ARL13B: variants seen among roughly 807,000 people sequenced by gnomAD.
ARL13B encodes the protein ARF like GTPase 13B, also known as ADP-ribosylation factor-like protein 13B.
Under a neutral mutation model 56.1 loss-of-function variants are expected in ARL13B, and 36 were observed. The observed-to-expected ratio is 0.64, with a 90% CI of 0.49 to 0.85. ARL13B has a LOEUF of 0.85. ARL13B is among the 40% of genes least tolerant of loss of function. The probability of loss-of-function intolerance (pLI) is 0.00; values close to 1 mark genes in which losing one functional copy is unlikely to be tolerated. For missense variants in ARL13B, 519 were observed against 507.1 expected (o/e 1.02, Z -0.23); for synonymous variants, 178 against 171.1 (o/e 1.04, Z -0.32).
chr3:94,021,454 C>G (rs1441605870), intron 3 of ARL13B, among the ~76,000 whole-genome samples: 1 of 152,042 alleles, frequency 6.6e-6, no homozygotes, highest in South Asian at 2.1e-4. Flanking sequence ...CTCAGCCTCC[C>G]AAAGTGCTGG....
intron 7 of ARL13B, among the ~76,000 whole-genome samples, chr3:94,046,235 C>T (rs190642519): frequency 6.6e-6 from 1 of 151,816 alleles, no homozygotes; most frequent in East Asian, 1.9e-4. Context: ...AAACATTATC[C>T]CCAAAAGTTT....
chr3:93,985,829 C>T (rs1429698220), intron 1 of ARL13B, among the ~76,000 whole-genome samples: 1 of 152,138 alleles, frequency 6.6e-6, no homozygotes, highest in Non-Finnish European at 1.5e-5. Context: ...TACAACCTAT[C>T]AAAGCTTTAC....
intron 1 of ARL13B, among the ~76,000 whole-genome samples, chr3:93,987,541 G>A (rs1369200798): frequency 6.6e-6 from 1 of 151,986 alleles, no homozygotes; most frequent in African/African-American, 2.4e-5. Context: ...AATTATTTCA[G>A]TTTTTTCTTT....
chr3:94,053,438 A>G lies in ARL13B; in HGVS notation c.*175A>G, dbSNP rs1288906822. 8.4e-6 allele frequency: 6 copies of G among 717,850 alleles called. No homozygotes were observed. The highest frequency in any genetic ancestry group is 2.7e-5 in the East Asian group (1 of 36,432). The allele number at this position is 717,850 out of a possible 1,614,324, so 44.5% of individuals were successfully genotyped here. On this transcript the variant is annotated 3_prime_UTR_variant, in exon 10 of 10. Transcript: ENST00000394222. The stretch of plus-strand genomic sequence containing the variant: ...TGATAATTACTTATTTGTGTTTTTC[A>G]TGGTTAAAAAAATAAAAGAAGCACA...
intron 6 of ARL13B, 138 bp downstream of exon 6, chr3:94,040,126 T>C (rs2076837784): frequency 1.3e-6 from 1 of 747,508 alleles, no homozygotes; most frequent in African/African-American, 1.8e-5. Context: ...AAATTAAACA[T>C]GAGAGACTGA....
Position 94,054,310 on chromosome 3 carries a change from G to GC in ARL13B, c.*1050dup, listed in dbSNP as rs1157926286. ...TAAAGTAATGAGAATAAAAATGTTG[G>GC]CCCAAAATTACTTTTATAAATAAAT... On this transcript the variant is annotated 3_prime_UTR_variant, in exon 10 of 10. Transcript: ENST00000394222. 1.2e-5 allele frequency: 5 copies of GC among 434,528 alleles called. No individual in the cohort carries two copies. Among genetic ancestry groups the GC allele is most frequent in the South Asian group, 5.1e-5 (3 of 58,340 alleles). The allele number at this position is 434,528 out of a possible 1,614,324, so 26.9% of individuals were successfully genotyped here.
chr3:94,014,778 T>C, intron 3 of ARL13B: 1 of 1,613,830 alleles, frequency 6.2e-7, no homozygotes, highest in Non-Finnish European at 8.5e-7. Context: ...GTAAAATAAA[T>C]GTCTTGCACT....
intron 4 of ARL13B, among the ~76,000 whole-genome samples, chr3:94,036,073 T>TA (rs1447754363): frequency 1.3e-5 from 2 of 152,018 alleles, no homozygotes; most frequent in Non-Finnish European, 2.9e-5. Context: ...ACACTGCCTC[T>TA]AAAAAACAAA....
chr3:94,003,589 T>C, intron 2 of ARL13B, 70 bp from the exon 3 acceptor site: 1 of 1,555,018 alleles, frequency 6.4e-7, no homozygotes. Flanking sequence ...GTGCTAAAAT[T>C]TTAGTTGAAA....
chr3:94,026,286 C>G (rs189820748), intron 3 of ARL13B, among the ~76,000 whole-genome samples: 112 of 152,244 alleles, frequency 7.4e-4, no homozygotes, highest in Non-Finnish European at 1.3e-3. Context: ...TAAAATTTGT[C>G]TTTTTTAAAC....
chr3:94,043,519 A>G, intron 7 of ARL13B, among the ~76,000 whole-genome samples: 1 of 121,210 alleles, frequency 8.3e-6, no homozygotes, highest in Non-Finnish European at 1.7e-5. Context: ...ATAGCTCTCA[A>G]GAATCCTTGG....
intron 3 of ARL13B, among the ~76,000 whole-genome samples, chr3:94,004,830 T>C (rs2076107054): frequency 6.6e-6 from 1 of 152,132 alleles, no homozygotes; most frequent in Non-Finnish European, 1.5e-5. Flanking sequence ...AGTTATTTGA[T>C]TTGTATAAGC....
In ARL13B at chr3:94,015,217, G is replaced by T. The variant is rs941844684; in HGVS notation, c.380+11309G>T. The T allele has an allele frequency of 1.3e-6, 2 of 1,596,122 alleles. No homozygotes were observed. The highest frequency in any genetic ancestry group is 1.7e-6 in the Non-Finnish European group (2 of 1,175,134). ...TGTAGTTGATACATGACTGTCTCTAGAGAGTTCAATTTCCTTTGTTCTCTG... is the reference window on the plus strand; with the variant it reads ...TGTAGTTGATACATGACTGTCTCTATAGAGTTCAATTTCCTTTGTTCTCTG... On this transcript the variant is annotated intron_variant, in intron 3 of 9. Coordinates refer to ENST00000394222, the MANE Select transcript of ARL13B (RefSeq NM_001174150.2).
At chr3:94,043,293 T>G (rs2076896632) in intron 7 of ARL13B, 53 bp downstream of exon 7, 1 of 1,424,816 alleles carries the variant, frequency 7.0e-7, no homozygotes, top group East Asian at 2.5e-5. Flanking sequence ...TAAATAAAAC[T>G]TATACTTCAT....
chr3:94,008,788 A>G (rs2107458806), intron 3 of ARL13B, among the ~76,000 whole-genome samples: 1 of 152,236 alleles, frequency 6.6e-6, no homozygotes, highest in South Asian at 2.1e-4. Context: ...TTTTAGGGTA[A>G]CAATTCTATT....
chr3:94,025,273 T>A (rs2076531882), intron 3 of ARL13B, among the ~76,000 whole-genome samples: 1 of 152,196 alleles, frequency 6.6e-6, no homozygotes, highest in South Asian at 2.1e-4. Context: ...ATCCTTTTTT[T>A]AATATCTGTA....
chr3:93,986,909 G>T (rs1710495432), intron 1 of ARL13B, among the ~76,000 whole-genome samples: 1 of 152,098 alleles, frequency 6.6e-6, no homozygotes, highest in Non-Finnish European at 1.5e-5. Context: ...GGCAGAGGTT[G>T]CAGTGAGTGG....
chr3:94,015,827 A>T (rs2076322435), intron 3 of ARL13B, among the ~76,000 whole-genome samples: 1 of 152,290 alleles, frequency 6.6e-6, no homozygotes, highest in Middle Eastern at 3.4e-3. Context: ...GAAGCCTCTG[A>T]ATTAACGTAT....
At chr3:94,053,000 G>T (rs567115162) in intron 9 of ARL13B, among the ~76,000 whole-genome samples, 187 bp from the exon 10 acceptor site, 25 of 152,264 alleles carry the variant, frequency 1.6e-4, no homozygotes, top group Non-Finnish European at 3.4e-4. Flanking sequence ...TGGAATGTTG[G>T]TGCCATCTCT....
Sources: allele counts gnomAD v4.1 joint callset (sites outside exome capture counted in the v4.1 genomes callset), GRCh38; gene constraint gnomAD v4.1.1; transcripts MANE v1.5; gene names NCBI Gene and HGNC (gene_info 2026-07-23, HGNC 2026-07-21).